MCTP2: variants seen among roughly 807,000 people sequenced by gnomAD.
The protein encoded by MCTP2 is multiple C2 and transmembrane domain-containing protein 2.
A neutral mutation model predicts 111.6 loss-of-function variants in MCTP2; 132 were observed. That is an observed-to-expected ratio of 1.18 (90% CI 1.03 to 1.37). MCTP2 has a LOEUF of 1.37. MCTP2 is among the 40% of genes most tolerant of loss of function. The probability of loss-of-function intolerance (pLI) is 0.00; values close to 1 mark genes in which losing one functional copy is unlikely to be tolerated. For synonymous variants in MCTP2, 395 were observed against 387.7 expected, an observed-to-expected ratio of 1.02 and a Z score of -0.22; for missense variants, 1,183 against 1,067.9, an observed-to-expected ratio of 1.11 and a Z score of -1.50.
chr15:94,296,011 T>A (rs1422454972), intron 1 of MCTP2, among the ~76,000 whole-genome samples: 2 of 152,208 alleles, frequency 1.3e-5, no homozygotes, highest in African/African-American at 4.8e-5. Context: ...AATTTCCACA[T>A]ACATGATACA....
intron 20 of MCTP2, among the ~76,000 whole-genome samples, chr15:94,461,700 A>G (rs929727433): frequency 2.0e-5 from 3 of 152,138 alleles, no homozygotes; most frequent in Non-Finnish European, 4.4e-5. Context: ...CCTTCATAAG[A>G]AGTAGAACTG....
In MCTP2 at chr15:94,409,646, T is replaced by C. The variant is rs113245802; in HGVS notation, c.2085+7627T>C. Among the ~76,000 whole-genome samples, 4 of 151,966 alleles carry C rather than the reference T, an allele frequency of 2.6e-5. 1 individual carries two copies. The highest frequency in any genetic ancestry group is 9.7e-5 in the African/African-American group (4 of 41,440). On this transcript the variant is annotated intron_variant, in intron 17 of 22. Coordinates refer to ENST00000357742, the MANE Select transcript of MCTP2 (RefSeq NM_001385001.1). ...AGACTCCAGAGGTCGTGTAGCAACT[T>C]AATGCAGCTGATGTTTGACTACCAC...
chr15:94,248,609 A>C (rs1336064938), intron 1 of MCTP2, among the ~76,000 whole-genome samples: 1 of 152,198 alleles, frequency 6.6e-6, no homozygotes. Flanking sequence ...CTGTCCTGTC[A>C]TTCTCAGGCT....
chr15:94,442,618 G>C (rs919492287), intron 18 of MCTP2, among the ~76,000 whole-genome samples: 1 of 152,194 alleles, frequency 6.6e-6, no homozygotes, highest in African/African-American at 2.4e-5. Flanking sequence ...GTCAGAATAA[G>C]AACAACACTG....
At chr15:94,358,959 G>A (rs551779337) in intron 10 of MCTP2, among the ~76,000 whole-genome samples, 1 of 152,108 alleles carries the variant, frequency 6.6e-6, no homozygotes, top group African/African-American at 2.4e-5. Flanking sequence ...ATTTAGTAAA[G>A]GTCTAAGGCT....
chr15:94,368,477 C>A (rs374052355), intron 11 of MCTP2, among the ~76,000 whole-genome samples: 3 of 152,120 alleles, frequency 2.0e-5, no homozygotes, highest in Admixed American at 1.3e-4. Context: ...AGGGAAAGCA[C>A]GTTTTAGGGA....
At chr15:94,343,483 C>T (rs553834342) in intron 7 of MCTP2, 2 of 152,080 alleles carry the variant, frequency 1.3e-5, no homozygotes, top group African/African-American at 4.8e-5. Flanking sequence ...TAGAACCAAG[C>T]TGACAAAAAT....
chr15:94,366,495 T>A (rs2152434668), intron 10 of MCTP2, among the ~76,000 whole-genome samples: 1 of 152,310 alleles, frequency 6.6e-6, no homozygotes, highest in East Asian at 1.9e-4. Flanking sequence ...AAGTGGAAGT[T>A]TTCATCCACA....
chr15:94,391,633 A>G (rs1278008158), intron 14 of MCTP2, among the ~76,000 whole-genome samples: 1 of 152,208 alleles, frequency 6.6e-6, no homozygotes, highest in African/African-American at 2.4e-5. Flanking sequence ...ACCTCTTCTC[A>G]TTGTCTACTC....
chr15:94,353,071 T>C (rs1596451568), intron 8 of MCTP2, among the ~76,000 whole-genome samples: 1 of 152,226 alleles, frequency 6.6e-6, no homozygotes. Flanking sequence ...CTGTGAACTC[T>C]GCAATAAATA....
At chr15:94,409,913 C>T (rs1478947332) in intron 17 of MCTP2, among the ~76,000 whole-genome samples, 3 of 141,100 alleles carry the variant, frequency 2.1e-5, no homozygotes, top group Non-Finnish European at 4.6e-5. Context: ...CTCTCTCCTT[C>T]CTCCTCACCC....
At chr15:94,358,375 G>GT in intron 9 of MCTP2, 107 bp from the exon 10 acceptor site, 1 of 1,024,946 alleles carries the variant, frequency 9.8e-7, no homozygotes, top group Non-Finnish European at 1.4e-6. Flanking sequence ...AAGGGGTGAG[G>GT]TCCATCATCT....
chr15:94,388,632 T>A (rs1307386716), intron 14 of MCTP2, among the ~76,000 whole-genome samples: 1 of 152,198 alleles, frequency 6.6e-6, no homozygotes, highest in Non-Finnish European at 1.5e-5. Context: ...ATCTAGTTTT[T>A]TTTTCTTTAA....
chr15:94,314,159 C>T (rs1256900108), intron 2 of MCTP2, 123 bp from the exon 3 acceptor site: 8 of 639,662 alleles, frequency 1.3e-5, no homozygotes, highest in Non-Finnish European at 2.2e-5. Context: ...GGAAGGCGGC[C>T]CTCACTGAAG....
chr15:94,298,165 T>G (rs2075362423), intron 1 of MCTP2, 36 bp from the exon 2 acceptor site: 100 of 840,574 alleles, frequency 1.2e-4, no homozygotes, highest in Non-Finnish European at 1.5e-4. Flanking sequence ...TTTTTTTTTG[T>G]TTGTTTGTTT....
At chr15:94,240,112 T>C (rs902359373) in intron 1 of MCTP2, among the ~76,000 whole-genome samples, 14 of 152,170 alleles carry the variant, frequency 9.2e-5, no homozygotes, top group Admixed American at 5.9e-4. Context: ...TTTTTGCTTT[T>C]CCTAGTTTAC....
At chr15:94,303,846 C>T (rs2075761907) in intron 2 of MCTP2, among the ~76,000 whole-genome samples, 1 of 152,136 alleles carries the variant, frequency 6.6e-6, no homozygotes, top group Admixed American at 6.5e-5. Context: ...AATCAGCCTG[C>T]CTTCATTTTC....
intron 1 of MCTP2, among the ~76,000 whole-genome samples, chr15:94,262,567 A>G (rs1362699254): frequency 6.6e-6 from 1 of 152,202 alleles, no homozygotes; most frequent in Non-Finnish European, 1.5e-5. Flanking sequence ...TGCTTCTCAA[A>G]GCATATTTTA....
intron 17 of MCTP2, among the ~76,000 whole-genome samples, chr15:94,413,443 T>C (rs191097113): frequency 3.3e-4 from 50 of 152,280 alleles, no homozygotes; most frequent in African/African-American, 1.2e-3. Flanking sequence ...CTTCTTTTTT[T>C]TTTAATTTCA....
Sources: gnomAD v4.1 joint callset for allele counts (sites outside exome capture counted in the v4.1 genomes callset) on GRCh38, gnomAD v4.1.1 for gene constraint, MANE v1.5 for transcripts, NCBI Gene and HGNC (gene_info 2026-07-23, HGNC 2026-07-21) for gene names.